SHROOM2: variants seen among roughly 807,000 people sequenced by gnomAD.
SHROOM2 encodes shroom family member 2.
SHROOM2 carries 33 observed loss-of-function variants against 75.9 expected under a neutral mutation model. The observed-to-expected ratio is 0.43, with a 90% CI of 0.33 to 0.58. The LOEUF (loss-of-function observed/expected upper bound fraction) is 0.58. Among genes scored for constraint, SHROOM2 ranks in the 20% least tolerant of loss-of-function variants. The pLI, the probability that SHROOM2 is intolerant of heterozygous loss-of-function variation, is 0.04. For synonymous variants in SHROOM2, 655 were observed against 663.6 expected (o/e 0.99, Z 0.20); for missense variants, 1,434 against 1,461.2 (o/e 0.98, Z 0.30).
chrX:9,812,289 GAGCAGCTTGCAC>G (rs1177930451), intron 1 of SHROOM2, among the ~76,000 whole-genome samples: 1 of 111,859 alleles, frequency 8.9e-6, no homozygotes, highest in Non-Finnish European at 1.9e-5. Flanking sequence ...CCAAGTGGCA[GAGCAGCTTGCAC>G]AGCAGCCTGG....
At chrX:9,912,068 GCACTCCA>G (rs2147031910) in intron 5 of SHROOM2, among the ~76,000 whole-genome samples, 1 of 95,710 alleles carries the variant, frequency 1.0e-5, no homozygotes, top group East Asian at 3.8e-4. Context: ...TCATACCACT[GCACTCCA>G]GCCTGGGAGA....
intron 1 of SHROOM2, among the ~76,000 whole-genome samples, chrX:9,831,497 A>G (rs956796235): frequency 9.0e-6 from 1 of 111,724 alleles, no homozygotes; most frequent in African/African-American, 3.3e-5. Flanking sequence ...TGTCTCTACT[A>G]AAAATACAAA....
chrX:9,818,979 C>T (rs2051250496), intron 1 of SHROOM2: 2 of 707,527 alleles, frequency 2.8e-6, no homozygotes, highest in African/African-American at 2.1e-5. Context: ...TGGTGTCTCA[C>T]TGCTGGATAC....
At chrX:9,922,409 G>C (rs1602002934) in intron 5 of SHROOM2, among the ~76,000 whole-genome samples, 2 of 110,663 alleles carry the variant, frequency 1.8e-5, no homozygotes, top group African/African-American at 6.6e-5. Context: ...GTTCCAGAAA[G>C]CTCCTTTGTA....
Position 9,948,622 on chromosome X carries a change from A to T in SHROOM2, c.*1685A>T, listed in dbSNP as rs755546311. 1 of 113,743 alleles carries T rather than the reference A, an allele frequency of 8.8e-6. No individual in the cohort carries two copies. Among genetic ancestry groups the T allele is most frequent in the East Asian group, 2.8e-4 (1 of 3,613 alleles). The allele number at this position is 113,743 out of a possible 1,213,427, so 9.4% of individuals were successfully genotyped here. A position where few individuals can be genotyped will look rare whatever the true frequency, so the allele number is the denominator to read the frequency against. On this transcript the variant is annotated 3_prime_UTR_variant, in exon 10 of 10. Coordinates refer to ENST00000380913, the MANE Select transcript of SHROOM2 (RefSeq NM_001649.4). The stretch of plus-strand genomic sequence containing the variant: ...CCGTGTTGACGGTAATGCATTCTCT[A>T]TAGAGCCAAGTCCAAACTGGCAAGC...
intron 5 of SHROOM2, among the ~76,000 whole-genome samples, chrX:9,914,477 A>G (rs2084468180): frequency 9.0e-6 from 1 of 110,644 alleles, no homozygotes; most frequent in African/African-American, 3.3e-5. Context: ...CAGTGGGAAG[A>G]AGCTGATGTC....
intron 5 of SHROOM2, among the ~76,000 whole-genome samples, chrX:9,913,682 C>T (rs558588790): frequency 8.9e-5 from 10 of 111,992 alleles, no homozygotes; most frequent in South Asian, 3.7e-4. Flanking sequence ...ATGTTTTTAG[C>T]GGTTGTGCTA....
At chrX:9,923,631 A>C (rs1364506273) in intron 5 of SHROOM2, among the ~76,000 whole-genome samples, 2 of 111,933 alleles carry the variant, frequency 1.8e-5, no homozygotes, top group African/African-American at 3.2e-5. Flanking sequence ...CCCAGCTCCC[A>C]GGGCTCACGC....
chrX:9,844,427 T>A (rs1407150668), intron 1 of SHROOM2, among the ~76,000 whole-genome samples: 1 of 110,901 alleles, frequency 9.0e-6, no homozygotes. Flanking sequence ...GGAGGATCAC[T>A]TGAGAGCTTG....
intron 1 of SHROOM2, among the ~76,000 whole-genome samples, chrX:9,809,311 G>C (rs1041621516): frequency 2.7e-5 from 3 of 111,185 alleles, no homozygotes; most frequent in Non-Finnish European, 3.8e-5. Context: ...GGCTAGACCA[G>C]TCTCTCCTTT....
intron 5 of SHROOM2, among the ~76,000 whole-genome samples, chrX:9,911,499 C>T (rs751988142): frequency 2.5e-4 from 28 of 111,435 alleles, no homozygotes; most frequent in Non-Finnish European, 4.3e-4. Context: ...AGAGAAACTC[C>T]GTCCTGGTGG....
At chrX:9,900,334 A>G (rs912936344) in intron 5 of SHROOM2, among the ~76,000 whole-genome samples, 3 of 111,744 alleles carry the variant, frequency 2.7e-5, no homozygotes, top group East Asian at 5.6e-4. Context: ...AAAAATTTCA[A>G]TGGAGAATAA....
At chrX:9,828,472 T>G (rs1170125455) in intron 1 of SHROOM2, among the ~76,000 whole-genome samples, 2 of 111,320 alleles carry the variant, frequency 1.8e-5, no homozygotes, top group Non-Finnish European at 3.8e-5. Context: ...TTCTTCTTAT[T>G]ATTATTGTTG....
chrX:9,873,903 C>G (rs2084184636), intron 2 of SHROOM2, 100 bp downstream of exon 2: 1 of 905,935 alleles, frequency 1.1e-6, no homozygotes, highest in African/African-American at 2.0e-5. Flanking sequence ...CTACAGAGAT[C>G]TCGATTGGGA....
At chrX:9,852,963 T>G (rs887357406) in intron 1 of SHROOM2, among the ~76,000 whole-genome samples, 13 of 111,830 alleles carry the variant, frequency 1.2e-4, no homozygotes, top group African/African-American at 3.9e-4. Flanking sequence ...CTCTGCATTC[T>G]CCGGTATGCA....
chrX:9,934,313 A>AT (rs373450549), intron 6 of SHROOM2, among the ~76,000 whole-genome samples: 69 of 110,838 alleles, frequency 6.2e-4, no homozygotes, highest in African/African-American at 2.2e-3. Flanking sequence ...GTCTCAAGTA[A>AT]TTTTTTTTCT....
At chrX:9,946,200 C>T (rs940598181) in intron 9 of SHROOM2, among the ~76,000 whole-genome samples, 2 of 113,165 alleles carry the variant, frequency 1.8e-5, no homozygotes, top group African/African-American at 6.4e-5. Flanking sequence ...GGCTTCTCCT[C>T]CTCCTGCCAG....
In SHROOM2 at chrX:9,943,051, AC is replaced by A. The variant is rs1471522850; in HGVS notation, c.4312-1586del. Among the ~76,000 whole-genome samples, 4 of 108,896 alleles carry A rather than the reference AC, an allele frequency of 3.7e-5. No homozygotes were observed. The East Asian group carries it at 1.2e-3, about 31-fold the overall frequency. The allele number at this position is 108,896 out of a possible 115,157, so 94.6% of individuals were successfully genotyped here. ...AGACCAGCCTGGGCAACATGGAGAG[AC>A]CCCGTCTCTACAAAAATAAAAAAAT... is the stretch of plus-strand genomic sequence containing the variant. On this transcript the variant is annotated intron_variant, in intron 8 of 9. Coordinates refer to ENST00000380913, the MANE Select transcript of SHROOM2 (RefSeq NM_001649.4).
chrX:9,902,793 C>T (rs763468003), intron 5 of SHROOM2, among the ~76,000 whole-genome samples: 27 of 111,409 alleles, frequency 2.4e-4, no homozygotes, highest in Non-Finnish European at 4.9e-4. Context: ...GATCTGGGGG[C>T]GGCCCCCTGG....
Sources: gnomAD v4.1 joint callset for allele counts (sites outside exome capture counted in the v4.1 genomes callset) on GRCh38, gnomAD v4.1.1 for gene constraint, MANE v1.5 for transcripts, NCBI Gene and HGNC (gene_info 2026-07-23, HGNC 2026-07-21) for gene names.